The following SMIM13 variants were observed in gnomAD, a reference collection of about 807,000 sequenced individuals.
SMIM13 encodes the protein small integral membrane protein 13.
A neutral mutation model predicts 5.9 loss-of-function variants in SMIM13; 3 were observed. The ratio of observed to expected loss-of-function variants is 0.51; its 90% confidence interval spans 0.23 to 1.31. The LOEUF (loss-of-function observed/expected upper bound fraction) is 1.31. SMIM13 is among the 40% of genes most tolerant of loss of function. The probability of loss-of-function intolerance (pLI) is 0.18; values close to 1 mark genes in which losing one functional copy is unlikely to be tolerated. For synonymous variants in SMIM13, 55 were observed against 46.0 expected (o/e 1.19, Z -0.79); for missense variants, 85 against 109.9 (o/e 0.77, Z 1.01).
chr6:11,121,991 G>A (rs1455728881), intron 1 of SMIM13, among the ~76,000 whole-genome samples: 2 of 152,158 alleles, frequency 1.3e-5, no homozygotes, highest in African/African-American at 4.8e-5. Flanking sequence ...CTCAGGTTCT[G>A]TAGTCAACTG....
chr6:11,124,385 C>T (rs1758349819), intron 1 of SMIM13, among the ~76,000 whole-genome samples: 1 of 152,170 alleles, frequency 6.6e-6, no homozygotes, highest in South Asian at 2.1e-4. Context: ...TTTTTAAAAT[C>T]CATTTGTCTG....
chr6:11,126,339 C>A (rs1419892132), intron 1 of SMIM13, among the ~76,000 whole-genome samples: 2 of 152,186 alleles, frequency 1.3e-5, no homozygotes, highest in Non-Finnish European at 2.9e-5. Context: ...TGAGCCATGG[C>A]GCCCAGCCCT....
chr6:11,104,723 G>C, intron 1 of SMIM13: 1 of 1,614,208 alleles, frequency 6.2e-7, no homozygotes, highest in Non-Finnish European at 8.5e-7. Context: ...ATGAGCTTGG[G>C]CGTCCCTGGC....
chr6:11,117,471 G>A (rs948480107), intron 1 of SMIM13, among the ~76,000 whole-genome samples: 5 of 151,714 alleles, frequency 3.3e-5, no homozygotes, highest in Non-Finnish European at 5.9e-5. Flanking sequence ...CACCATGCCT[G>A]GCCGACGTTT....
intron 1 of SMIM13, among the ~76,000 whole-genome samples, chr6:11,119,653 C>A (rs905387906): frequency 8.5e-6 from 1 of 117,592 alleles, no homozygotes; most frequent in African/African-American, 3.4e-5. Context: ...GACTCCATCT[C>A]CAAAAAAACA....
chr6:11,109,510 G>A (rs1758138496), intron 1 of SMIM13, among the ~76,000 whole-genome samples: 1 of 152,162 alleles, frequency 6.6e-6, no homozygotes, highest in Non-Finnish European at 1.5e-5. Flanking sequence ...TGAACCAATG[G>A]GAAGGGGCTG....
At chr6:11,115,767 C>G (rs1178058237) in intron 1 of SMIM13, among the ~76,000 whole-genome samples, 5 of 151,120 alleles carry the variant, frequency 3.3e-5, no homozygotes, top group Non-Finnish European at 5.9e-5. Context: ...TCACTGCAAC[C>G]TCTGCCTCCT....
At chr6:11,128,518 T>C (rs1758407702) in intron 1 of SMIM13, among the ~76,000 whole-genome samples, 2 of 152,170 alleles carry the variant, frequency 1.3e-5, no homozygotes, top group Non-Finnish European at 2.9e-5. Context: ...TTCCTTTGGT[T>C]GCCCCAGGTG....
chr6:11,106,613 G>T (rs1439835116), intron 1 of SMIM13, among the ~76,000 whole-genome samples: 1 of 152,182 alleles, frequency 6.6e-6, no homozygotes, highest in East Asian at 1.9e-4. Flanking sequence ...TACCCATGTT[G>T]GGTGGCCCAA....
At chr6:11,125,371 G>T (rs1224497742) in intron 1 of SMIM13, among the ~76,000 whole-genome samples, 1 of 151,092 alleles carries the variant, frequency 6.6e-6, no homozygotes, top group Non-Finnish European at 1.5e-5. Context: ...CAAGGCGGGT[G>T]GATCCCTTGA....
chr6:11,122,412 AC>A (rs1279738536), intron 1 of SMIM13, among the ~76,000 whole-genome samples: 4 of 152,174 alleles, frequency 2.6e-5, no homozygotes, highest in Admixed American at 2.0e-4. Flanking sequence ...TCCTCTTGTG[AC>A]CCTACCTTGC....
At chr6:11,109,881 C>A (rs978133313) in intron 1 of SMIM13, among the ~76,000 whole-genome samples, 17 of 152,010 alleles carry the variant, frequency 1.1e-4, no homozygotes, top group African/African-American at 4.1e-4. Flanking sequence ...AAGAAGGCAA[C>A]CCCTCCAATT....
intron 1 of SMIM13, among the ~76,000 whole-genome samples, chr6:11,132,334 TGAA>T (rs1479859851): frequency 6.6e-6 from 1 of 152,186 alleles, no homozygotes; most frequent in Non-Finnish European, 1.5e-5. Flanking sequence ...TGTAAAGTGT[TGAA>T]GCTGCTTTGC....
At chr6:11,116,645 A>C (rs1191677928) in intron 1 of SMIM13, among the ~76,000 whole-genome samples, 1 of 152,172 alleles carries the variant, frequency 6.6e-6, no homozygotes, top group African/African-American at 2.4e-5. Context: ...TACAGGGATA[A>C]AGTTTATAAT....
intron 1 of SMIM13, among the ~76,000 whole-genome samples, chr6:11,109,600 A>G (rs1383297206): frequency 6.6e-6 from 1 of 152,214 alleles, no homozygotes. Context: ...GCCAGCACAT[A>G]GGGGATTTCT....
intron 1 of SMIM13, among the ~76,000 whole-genome samples, chr6:11,115,058 T>C (rs1258344097): frequency 1.3e-5 from 2 of 152,248 alleles, no homozygotes; most frequent in East Asian, 3.8e-4. Context: ...TTTTTCTCTT[T>C]ATATTCATGA....
chr6:11,125,134 T>C (rs1291944037), intron 1 of SMIM13, among the ~76,000 whole-genome samples: 1 of 150,604 alleles, frequency 6.6e-6, no homozygotes, highest in African/African-American at 2.5e-5. Flanking sequence ...AAAAATCAGC[T>C]GGGCATGGTG....
At chr6:11,118,006 G>A (rs1325651653) in intron 1 of SMIM13, among the ~76,000 whole-genome samples, 3 of 152,124 alleles carry the variant, frequency 2.0e-5, no homozygotes, top group Non-Finnish European at 4.4e-5. Context: ...AAAGTGCTGG[G>A]ATTACAGGTG....
chr6:11,112,745 C>G (rs994588833), intron 1 of SMIM13, among the ~76,000 whole-genome samples: 5 of 152,050 alleles, frequency 3.3e-5, no homozygotes, highest in Admixed American at 3.3e-4. Flanking sequence ...TTTGTTTATC[C>G]ATTTACTCAT....
Sources: gnomAD v4.1 joint callset for allele counts (sites outside exome capture counted in the v4.1 genomes callset) on GRCh38, gnomAD v4.1.1 for gene constraint, MANE v1.5 for transcripts, NCBI Gene and HGNC (gene_info 2026-07-23, HGNC 2026-07-21) for gene names.